Variants in HSF1 observed in about 807,000 individuals in gnomAD.
HSF1 encodes the protein heat shock factor protein 1.
Under a neutral mutation model 51.7 loss-of-function variants are expected in HSF1, and 32 were observed. The ratio of observed to expected loss-of-function variants is 0.62; its 90% CI spans 0.47 to 0.83. The LOEUF (loss-of-function observed/expected upper bound fraction) is 0.83, where lower values mean the gene tolerates loss of function less well. Ranked by LOEUF, HSF1 falls within the 40% of genes least tolerant of loss-of-function variation. The probability of loss-of-function intolerance (pLI) is 0.00; values close to 1 mark genes in which losing one functional copy is unlikely to be tolerated. For missense variants in HSF1, 727 were observed against 717.0 expected, an observed-to-expected ratio of 1.01 and a Z score of -0.16; for synonymous variants, 396 against 309.7, an observed-to-expected ratio of 1.28 and a Z score of -2.92.
chr8:144,312,801 G>A, intron 9 of HSF1: 2 of 1,232,018 alleles, frequency 1.6e-6, no homozygotes, highest in Non-Finnish European at 2.3e-6. Context: ...GCCTGGCCGG[G>A]CATGAGCGTC....
At chr8:144,301,856 C>A (rs1554842384) in intron 1 of HSF1, among the ~76,000 whole-genome samples, 1 of 151,500 alleles carries the variant, frequency 6.6e-6, no homozygotes, top group African/African-American at 2.4e-5. Context: ...CAAAGCGAGA[C>A]TCCGTCTCAA....
Position 144,314,431 on chromosome 8 carries a change from G to C in HSF1, c.*101G>C. On this transcript the variant is annotated 3_prime_UTR_variant, in exon 13 of 13. Coordinates refer to ENST00000528838, the MANE Select transcript of HSF1 (RefSeq NM_005526.4). Reference sequence around the variant, plus strand: ...TCGCGGTCTTGGGCACTGGTGGGTCGGCCGCCATAGCCCCAGTAGGACAAA... The same window carrying C: ...TCGCGGTCTTGGGCACTGGTGGGTCCGCCGCCATAGCCCCAGTAGGACAAA... 1.0e-6 allele frequency: 1 copy of C among 996,766 alleles called. No individual in the cohort carries two copies. The highest frequency in any genetic ancestry group is 1.5e-6 in the Non-Finnish European group (1 of 668,720). 61.7% of individuals were successfully genotyped at this position (996,766 alleles called of 1,614,324 possible). A position where few individuals can be genotyped will look rare whatever the true frequency, so the allele number is the denominator to read the frequency against.
intron 1 of HSF1, 149 bp from the exon 2 acceptor site, chr8:144,308,757 C>T (rs1485240729): frequency 2.3e-5 from 15 of 664,906 alleles, no homozygotes; most frequent in South Asian, 3.4e-5. Context: ...ACTCGCCTCC[C>T]GCCAGCCCCC....
At chr8:144,304,115 G>C (rs1816065950) in intron 1 of HSF1, among the ~76,000 whole-genome samples, 1 of 145,650 alleles carries the variant, frequency 6.9e-6, no homozygotes, top group African/African-American at 2.5e-5. Context: ...CAGCCCATGA[G>C]ATCCAGGAAA....
Position 144,311,733 on chromosome 8 carries a change from T to C in HSF1, c.757T>C (p.Tyr253His), listed in dbSNP as rs1195313721. 1 of 1,612,630 alleles carries C rather than the reference T, an allele frequency of 6.2e-7. No homozygotes were observed. The highest frequency in any genetic ancestry group is 8.5e-7 in the Non-Finnish European group (1 of 1,179,670). Reference sequence around the variant, plus strand: ...CCCAGCCTACAGCAGCTCCAGCCTCTACGCCCCTGATGCTGTGGCCAGCTC... The same window carrying C: ...CCCAGCCTACAGCAGCTCCAGCCTCCACGCCCCTGATGCTGTGGCCAGCTC... ...PSPAYSSSSL[Y>H]APDAVASSGP... Residue 253 changes from tyrosine to histidine, a missense_variant, in exon 8 of 13, where the codon TAC (tyrosine) becomes CAC (histidine). Tyr to His is a moderately conservative substitution (Grantham distance 83, BLOSUM62 2). Transcript: ENST00000528838.
intron 1 of HSF1, among the ~76,000 whole-genome samples, chr8:144,294,600 G>C (rs139253837): frequency 0.011 from 1,656 of 152,364 alleles, 28 homozygotes; most frequent in African/African-American, 0.037. Flanking sequence ...AGCCTGGCCA[G>C]GAATGGGACC....
chr8:144,296,575 G>A (rs1815474928), intron 1 of HSF1, among the ~76,000 whole-genome samples: 1 of 152,142 alleles, frequency 6.6e-6, no homozygotes, highest in South Asian at 2.1e-4. Context: ...GAGGTGGGCG[G>A]ATCACGAGAT....
intron 1 of HSF1, 134 bp downstream of exon 1, chr8:144,292,008 C>T (rs1029682587): frequency 1.5e-5 from 7 of 462,930 alleles, no homozygotes; most frequent in African/African-American, 1.5e-4. Context: ...CCTGCCCCCG[C>T]CAGAGAAGGG....
In HSF1 at chr8:144,291,741, T is replaced by C. The variant is rs1554840365; in HGVS notation, c.-17T>C. 1.4e-6 allele frequency: 2 copies of C among 1,435,042 alleles called. No homozygotes were observed. The highest frequency in any genetic ancestry group is 2.5e-5 in the South Asian group (2 of 79,020). 88.9% of individuals were successfully genotyped at this position (1,435,042 alleles called of 1,614,324 possible). On this transcript the variant is annotated 5_prime_UTR_variant, in exon 1 of 13. Coordinates refer to ENST00000528838, the MANE Select transcript of HSF1 (RefSeq NM_005526.4). The surrounding 1 kb of genome is among the most constrained non-coding windows in gnomAD (Gnocchi z 4.1). ...TCTTTGCGGCCGCTCCCTCCGCCTA[T>C]TCCCTCCTTGCTCGAGATGGATCTG...
rs1303536108 is a variant in HSF1, at chr8:144,291,725, C to T, written c.-33C>T. On this transcript the variant is annotated 5_prime_UTR_variant, in exon 1 of 13. Coordinates refer to ENST00000528838, the MANE Select transcript of HSF1 (RefSeq NM_005526.4). This position sits in a 1 kb window ranked among gnomAD's most constrained non-coding sequence, Gnocchi z 4.1. ...CCCGGCCCTCGGCCCCTCTTTGCGG[C>T]CGCTCCCTCCGCCTATTCCCTCCTT... is the stretch of plus-strand genomic sequence containing the variant. 5 of 1,306,936 alleles carry T rather than the reference C, an allele frequency of 3.8e-6. No homozygotes were observed. The highest frequency in any genetic ancestry group is 2.4e-5 in the Admixed American group (1 of 42,210). The allele number at this position is 1,306,936 out of a possible 1,614,324, so 81.0% of individuals were successfully genotyped here. A position where few individuals can be genotyped will look rare whatever the true frequency, so the allele number is the denominator to read the frequency against.
chr8:144,312,371 G>A, intron 9 of HSF1, 127 bp downstream of exon 9: 1 of 755,482 alleles, frequency 1.3e-6, no homozygotes, highest in Non-Finnish European at 2.1e-6. Flanking sequence ...CAACCTCGGA[G>A]CTCGGGGCTG....
At chr8:144,302,879 G>C (rs1195775825) in intron 1 of HSF1, among the ~76,000 whole-genome samples, 1 of 152,038 alleles carries the variant, frequency 6.6e-6, no homozygotes, top group Non-Finnish European at 1.5e-5. Flanking sequence ...AAAAAAGATA[G>C]ACAAATAGCA....
At chr8:144,294,247 T>G (rs2130309131) in intron 1 of HSF1, among the ~76,000 whole-genome samples, 1 of 152,236 alleles carries the variant, frequency 6.6e-6, no homozygotes, top group African/African-American at 2.4e-5. Context: ...CTGCCTGGCC[T>G]GGAGAAAGGA....
chr8:144,313,846 C>CTGAA lies in HSF1; in HGVS notation c.1251_1252insAATG (p.Phe418AsnfsTer15). On this transcript the variant is annotated frameshift_variant and splice_region_variant, in exon 11 of 13. Coordinates refer to ENST00000528838, the MANE Select transcript of HSF1 (RefSeq NM_005526.4). LOFTEE classifies it high-confidence loss of function. The stretch of plus-strand genomic sequence containing the variant: ...TCTGACTTCCCTCCCTCCTCCGCAG[C>CTGAA]TGTTCAGCCCCTCGGTGACCGTGCC... 6.2e-7 allele frequency: 1 copy of CTGAA among 1,600,750 alleles called. No homozygotes were observed.
chr8:144,295,073 G>T (rs961787360), intron 1 of HSF1, among the ~76,000 whole-genome samples: 1 of 152,088 alleles, frequency 6.6e-6, no homozygotes, highest in Non-Finnish European at 1.5e-5. Context: ...TGAGACCCGG[G>T]ACCCGCAGCC....
intron 1 of HSF1, among the ~76,000 whole-genome samples, chr8:144,305,045 T>C (rs1478039417): frequency 6.6e-6 from 1 of 151,340 alleles, no homozygotes; most frequent in East Asian, 1.9e-4. Context: ...CCTCCTGGGT[T>C]CAAGCGATTC....
rs1815551390 is a variant in HSF1 at position 144,297,540 on chromosome 8, G to T, written c.117+5666G>T. On this transcript the variant is annotated intron_variant, in intron 1 of 12. Coordinates refer to ENST00000528838, the MANE Select transcript of HSF1 (RefSeq NM_005526.4). The surrounding 1 kb of genome is among the most constrained non-coding windows in gnomAD (Gnocchi z 4.6). ...CAGATGTGGACAGAACCAGACCAGG[G>T]AACGGGGCCACAAAGTGAGCCACTT... 6.6e-6 allele frequency among the ~76,000 whole-genome samples: 1 copy of T among 152,174 alleles called. No homozygotes were observed.
At chr8:144,296,702 G>T (rs1443884545) in intron 1 of HSF1, among the ~76,000 whole-genome samples, 1 of 151,984 alleles carries the variant, frequency 6.6e-6, no homozygotes, top group African/African-American at 2.4e-5. Context: ...AGCTACTTGC[G>T]AGGCTGAGGC....
Position 144,301,844 on chromosome 8 carries a change from G to A in HSF1, c.118-7062G>A, listed in dbSNP as rs139621633. ...CGCACCACTGCACTCCAGCCTGGGC[G>A]ACAAAGCGAGACTCCGTCTCAAAAA... On this transcript the variant is annotated intron_variant, in intron 1 of 12. Transcript: ENST00000528838. Among the ~76,000 whole-genome samples the A allele has an allele frequency of 5.9e-3, 894 of 151,856 alleles. 6 individuals are homozygous for A. Among genetic ancestry groups the A allele is most frequent in the African/African-American group, 0.02 (844 of 41,374 alleles).
Sources: allele counts gnomAD v4.1 joint callset (sites outside exome capture counted in the v4.1 genomes callset), GRCh38; gene constraint gnomAD v4.1.1; non-coding constraint Gnocchi (gnomAD v3.1); transcripts MANE v1.5; gene names NCBI Gene and HGNC (gene_info 2026-07-23, HGNC 2026-07-21).